The following CNTN5 variants were observed in gnomAD, a reference collection of about 807,000 sequenced individuals.
The protein encoded by CNTN5 is contactin 5.
In CNTN5, 77 loss-of-function variants were observed where a neutral mutation model predicts 129.1. That is an observed-to-expected ratio of 0.60 (90% CI 0.50 to 0.72). CNTN5 has a LOEUF of 0.72. Among genes scored for constraint, CNTN5 ranks in the 30% least tolerant of loss-of-function variants. CNTN5 has a pLI of 0.00. For synonymous variants in CNTN5, 509 were observed against 465.6 expected, an observed-to-expected ratio of 1.09 and a Z score of -1.20; for missense variants, 1,478 against 1,328.8, an observed-to-expected ratio of 1.11 and a Z score of -1.75.
intron 2 of CNTN5, among the ~76,000 whole-genome samples, chr11:99,356,605 C>CAAA (rs1364176584): frequency 6.6e-6 from 1 of 152,178 alleles, no homozygotes; most frequent in Non-Finnish European, 1.5e-5. Flanking sequence ...AGAAGTCTGT[C>CAAA]CATTATTCTG....
intron 2 of CNTN5, among the ~76,000 whole-genome samples, chr11:99,490,110 A>G (rs1014130861): frequency 2.0e-5 from 3 of 152,180 alleles, no homozygotes; most frequent in Middle Eastern, 3.2e-3. Context: ...TTTTATTTCA[A>G]AAATGTATTG....
rs199758207 is a variant in CNTN5, at chr11:99,556,554, A to AATATATATATAT, written c.55+314_55+325dup. ...CCATCTAGCTTTCAGAAGGCTTGGAAATATATATATATATATATATATATA... is the reference window on the plus strand; with the variant it reads ...CCATCTAGCTTTCAGAAGGCTTGGAAATATATATATATATATATATATATATATATATATATA... On this transcript the variant is annotated intron_variant, in intron 3 of 24. Coordinates refer to ENST00000524871, the MANE Select transcript of CNTN5 (RefSeq NM_014361.4). 3.0e-3 allele frequency among the ~76,000 whole-genome samples: 217 copies of AATATATATATAT among 72,286 alleles called. 3 individuals are homozygous for AATATATATATAT. The highest frequency in any genetic ancestry group is 0.016 in the Middle Eastern group (1 of 62). The allele number at this position is 72,286 out of a possible 152,430, so 47.4% of individuals were successfully genotyped here.
chr11:100,098,200 T>C (rs188084124), intron 13 of CNTN5, among the ~76,000 whole-genome samples: 53 of 152,162 alleles, frequency 3.5e-4, no homozygotes, highest in African/African-American at 1.2e-3. Context: ...GAATTATAGC[T>C]ATGTATAAGC....
chr11:99,819,578 A>G lies in CNTN5; in HGVS notation c.90A>G (p.Ser30=). The G allele has an allele frequency of 6.2e-7, 1 of 1,612,802 alleles. No homozygotes were observed. Among genetic ancestry groups the G allele is most frequent in the South Asian group, 1.1e-5 (1 of 91,082 alleles). The change falls in exon 4 of 25, where the codon TCA becomes TCG. Residue 30 remains serine, a synonymous_variant. Transcript: ENST00000524871. ...YSKSLPGLST[S]YAALLRIKKS... ...AATCTCTTCCTGGTCTCTCCACTTCATATGCTGCTTTGTTAAGAATTAAGA... is the reference window on the plus strand; with the variant it reads ...AATCTCTTCCTGGTCTCTCCACTTCGTATGCTGCTTTGTTAAGAATTAAGA...
At chr11:100,176,269 C>T (rs940490148) in intron 13 of CNTN5, among the ~76,000 whole-genome samples, 5 of 152,142 alleles carry the variant, frequency 3.3e-5, no homozygotes, top group Non-Finnish European at 7.3e-5. Context: ...ACCCACCCAC[C>T]TCTGCCTCCC....
rs371454644 is a variant in CNTN5, at chr11:100,267,280, C to CACACAG, written c.2165-3811_2165-3810insCACAGA. Among the ~76,000 whole-genome samples, 31 of 148,584 alleles carry CACACAG rather than the reference C, an allele frequency of 2.1e-4. No individual in the cohort carries two copies. In the East Asian group the frequency reaches 3.7e-3, roughly 18 times the overall value. ...ACACACACACACACACACACACACA[C>CACACAG]AGAGAGAGAGAGAAAGAGAGAGTGA... is the stretch of plus-strand genomic sequence containing the variant. On this transcript the variant is annotated intron_variant, in intron 17 of 24. Coordinates refer to ENST00000524871, the MANE Select transcript of CNTN5 (RefSeq NM_014361.4).
intron 1 of CNTN5, among the ~76,000 whole-genome samples, chr11:99,066,883 C>T (rs143534854): frequency 9.2e-5 from 14 of 152,200 alleles, no homozygotes; most frequent in South Asian, 6.2e-4. Context: ...ATGGTGACTG[C>T]GATTCAAGGG....
At chr11:100,003,610 C>T (rs1213538478) in intron 9 of CNTN5, among the ~76,000 whole-genome samples, 2 of 152,114 alleles carry the variant, frequency 1.3e-5, no homozygotes, top group East Asian at 3.9e-4. Context: ...AATATTTCCC[C>T]AGGCAAGCTT....
intron 9 of CNTN5, among the ~76,000 whole-genome samples, chr11:100,040,662 T>A (rs1326866571): frequency 6.6e-6 from 1 of 151,854 alleles, no homozygotes; most frequent in Non-Finnish European, 1.5e-5. Context: ...ATCAAACAAC[T>A]AACTCATCAA....
At chr11:99,165,766 A>T (rs1248161110) in intron 1 of CNTN5, among the ~76,000 whole-genome samples, 1 of 152,178 alleles carries the variant, frequency 6.6e-6, no homozygotes, top group Non-Finnish European at 1.5e-5. Context: ...AAGAGATCGC[A>T]TCTAGAAATG....
At chr11:100,046,747 T>C (rs1024979354) in intron 9 of CNTN5, among the ~76,000 whole-genome samples, 1 of 152,140 alleles carries the variant, frequency 6.6e-6, no homozygotes, top group Non-Finnish European at 1.5e-5. Context: ...GCAGGGTAGT[T>C]TGTACCATAT....
intron 1 of CNTN5, among the ~76,000 whole-genome samples, chr11:99,062,017 T>A (rs1463114758): frequency 1.3e-5 from 2 of 151,968 alleles, no homozygotes; most frequent in Non-Finnish European, 2.9e-5. Flanking sequence ...CTCTGTGAAT[T>A]TATAAATTGC....
intron 2 of CNTN5, among the ~76,000 whole-genome samples, chr11:99,334,144 ACTCT>A (rs1326608909): frequency 2.3e-3 from 3 of 1,288 alleles, no homozygotes; most frequent in African/African-American, 2.8e-3. Context: ...AACATCTCAG[ACTCT>A]CACTCACAAA....
chr11:100,236,377 C>G (rs1480222635), intron 16 of CNTN5, among the ~76,000 whole-genome samples: 1 of 152,098 alleles, frequency 6.6e-6, no homozygotes, highest in Non-Finnish European at 1.5e-5. Context: ...GGAGGCTGGC[C>G]CCTCATGAAG....
At chr11:99,288,877 T>C (rs1006893657) in intron 1 of CNTN5, among the ~76,000 whole-genome samples, 4 of 151,854 alleles carry the variant, frequency 2.6e-5, no homozygotes, top group Admixed American at 1.3e-4. Context: ...AGTTTGTGAG[T>C]ATACTCATCC....
At chr11:99,790,825 A>C (rs933164305) in intron 3 of CNTN5, among the ~76,000 whole-genome samples, 2 of 152,074 alleles carry the variant, frequency 1.3e-5, no homozygotes, top group Non-Finnish European at 2.9e-5. Flanking sequence ...CAACCTCGCC[A>C]GCATGTTATT....
chr11:99,843,574 G>T (rs2135689006), intron 4 of CNTN5, among the ~76,000 whole-genome samples: 1 of 152,126 alleles, frequency 6.6e-6, no homozygotes, highest in East Asian at 1.9e-4. Context: ...TGTCTTTACT[G>T]AAATAATTTC....
intron 1 of CNTN5, among the ~76,000 whole-genome samples, chr11:99,049,300 G>T (rs79502128): frequency 0.025 from 3,817 of 152,180 alleles, 314 homozygotes; most frequent in Admixed American, 0.16. Flanking sequence ...ATATTTACCT[G>T]AGTTAGGTAG....
intron 6 of CNTN5, among the ~76,000 whole-genome samples, chr11:99,889,311 T>G (rs1290354903): frequency 1.8e-4 from 20 of 110,932 alleles, no homozygotes; most frequent in African/African-American, 5.9e-4. Context: ...TGTGTGTGTG[T>G]GTGTGTGTGT....
Sources: allele counts gnomAD v4.1 joint callset (sites outside exome capture counted in the v4.1 genomes callset), GRCh38; gene constraint gnomAD v4.1.1; transcripts MANE v1.5; gene names NCBI Gene and HGNC (gene_info 2026-07-23, HGNC 2026-07-21).